The following COL22A1 variants were observed in gnomAD, a reference collection of about 807,000 sequenced individuals.
COL22A1 encodes the protein collagen type XXII alpha 1 chain, also known as collagen alpha-1(XXII) chain.
COL22A1 carries 221 observed loss-of-function variants against 248.9 expected under a neutral mutation model. The observed-to-expected ratio is 0.89, with a 90% confidence interval of 0.80 to 0.99. COL22A1 has a LOEUF of 0.99. COL22A1 is among the 50% of genes least tolerant of loss of function. The probability of loss-of-function intolerance (pLI) is 0.00; values close to 1 mark genes in which losing one functional copy is unlikely to be tolerated. For missense variants in COL22A1, 2,240 were observed against 2,179.0 expected, an observed-to-expected ratio of 1.03 and a Z score of -0.56; for synonymous variants, 891 against 793.4, an observed-to-expected ratio of 1.12 and a Z score of -2.07.
chr8:138,639,815 T>C (rs1821509453), intron 47 of COL22A1, among the ~76,000 whole-genome samples: 2 of 152,248 alleles, frequency 1.3e-5, no homozygotes, highest in African/African-American at 4.8e-5. Flanking sequence ...ATCTCCCAGT[T>C]CCTGTGAAAC....
intron 1 of COL22A1, among the ~76,000 whole-genome samples, chr8:138,891,888 C>T (rs1306039163): frequency 6.6e-6 from 1 of 152,164 alleles, no homozygotes; most frequent in East Asian, 1.9e-4. Context: ...TTCAGTTAAC[C>T]CCTGGGAGGG....
chr8:138,858,718 T>C (rs1237277524), intron 3 of COL22A1, among the ~76,000 whole-genome samples: 1 of 152,210 alleles, frequency 6.6e-6, no homozygotes, highest in Non-Finnish European at 1.5e-5. Context: ...AGAGGGTTGC[T>C]GAGCAGGCAG....
At chr8:138,783,783 A>G (rs1364749204) in intron 12 of COL22A1, among the ~76,000 whole-genome samples, 1 of 152,196 alleles carries the variant, frequency 6.6e-6, no homozygotes, top group Non-Finnish European at 1.5e-5. Flanking sequence ...TGATCAAACA[A>G]CTATGTGGAA....
intron 14 of COL22A1, among the ~76,000 whole-genome samples, chr8:138,778,973 T>G (rs1172311620): frequency 6.6e-6 from 1 of 152,226 alleles, no homozygotes; most frequent in Non-Finnish European, 1.5e-5. Context: ...AATAACAACA[T>G]GTATTCATTC....
intron 37 of COL22A1, among the ~76,000 whole-genome samples, chr8:138,688,630 C>A (rs1826559118): frequency 6.6e-6 from 1 of 152,122 alleles, no homozygotes; most frequent in Admixed American, 6.5e-5. Flanking sequence ...TGGAGTCAGA[C>A]AGACCTAGCT....
chr8:138,878,951 T>C (rs1298259848), intron 2 of COL22A1, among the ~76,000 whole-genome samples: 2 of 152,054 alleles, frequency 1.3e-5, no homozygotes, highest in Admixed American at 6.5e-5. Context: ...GAGCTTGTGG[T>C]GAGCCGAGAT....
chr8:138,639,856 C>G (rs1397417296), intron 47 of COL22A1, among the ~76,000 whole-genome samples: 3 of 152,190 alleles, frequency 2.0e-5, no homozygotes, highest in Admixed American at 6.5e-5. Context: ...AGATGCCTGG[C>G]TCCAAGTTGC....
At chr8:138,853,166 C>A (rs1372505826) in intron 3 of COL22A1, among the ~76,000 whole-genome samples, 5 of 152,068 alleles carry the variant, frequency 3.3e-5, no homozygotes, top group African/African-American at 1.2e-4. Flanking sequence ...CAGAGAAAGA[C>A]CTGGTCTCAA....
chr8:138,893,339 A>T (rs1825194477), intron 1 of COL22A1, among the ~76,000 whole-genome samples: 1 of 152,228 alleles, frequency 6.6e-6, no homozygotes, highest in South Asian at 2.1e-4. Context: ...TAGCTGTGCA[A>T]ACTAGGGGAA....
At chr8:138,904,994 C>T (rs1814904828) in intron 1 of COL22A1, among the ~76,000 whole-genome samples, 1 of 152,178 alleles carries the variant, frequency 6.6e-6, no homozygotes. Context: ...TCGGTTGCCT[C>T]ATCTGTAAAA....
chr8:138,762,410 T>C lies in COL22A1; in HGVS notation c.1857+3A>G. ...TAGCCCAACAGCGCCAGCACCCACC[T>C]ACCTGCTGTCCTGTGTCCCCAGGCT... On this transcript the variant is annotated splice_donor_region_variant and intron_variant, in intron 17 of 64. Transcript: ENST00000303045. 1 of 1,614,064 alleles carries C rather than the reference T, an allele frequency of 6.2e-7. No homozygotes were observed. The highest frequency in any genetic ancestry group is 1.7e-5 in the Admixed American group (1 of 60,024).
At chr8:138,859,673 C>T (rs1404094750) in intron 3 of COL22A1, among the ~76,000 whole-genome samples, 3 of 152,180 alleles carry the variant, frequency 2.0e-5, no homozygotes, top group Non-Finnish European at 4.4e-5. Context: ...CCCCCACACA[C>T]TTACTCTCCT....
At chr8:138,782,006 T>C (rs1012963481) in intron 12 of COL22A1, among the ~76,000 whole-genome samples, 1 of 152,254 alleles carries the variant, frequency 6.6e-6, no homozygotes, top group African/African-American at 2.4e-5. Context: ...ATATGTATTA[T>C]TTTCTCAAAG....
intron 31 of COL22A1, among the ~76,000 whole-genome samples, chr8:138,702,929 G>A (rs1828085462): frequency 6.6e-6 from 1 of 152,090 alleles, no homozygotes; most frequent in Non-Finnish European, 1.5e-5. Flanking sequence ...AACTCACCAT[G>A]CCCACCCTAA....
At chr8:138,797,924 T>A (rs779250425) in intron 11 of COL22A1, among the ~76,000 whole-genome samples, 28 of 152,020 alleles carry the variant, frequency 1.8e-4, no homozygotes, top group Non-Finnish European at 3.8e-4. Context: ...CTTTATTGAT[T>A]TTTTTGGTTT....
rs751307731 is a variant in COL22A1 at position 138,662,031 on chromosome 8, TC to T, written c.3238del (p.Asp1080ThrfsTer27). On this transcript the variant is annotated frameshift_variant and splice_region_variant, in exon 43 of 65. Transcript: ENST00000303045. LOFTEE classifies it high-confidence loss of function. ...FPGPQGPAGR[D>X]GAPGNPGERG... ...TCCACGCCATTTCTCTGTACTTACG[TC>T]CCGGCCGGCTGGGCCCTGGGGGCCA... 2.5e-6 allele frequency: 4 copies of T among 1,611,668 alleles called. No homozygotes were observed. The South Asian group carries it at 4.4e-5, about 18-fold the overall frequency.
intron 48 of COL22A1, among the ~76,000 whole-genome samples, chr8:138,636,438 A>C (rs2132031612): frequency 6.7e-6 from 1 of 149,324 alleles, no homozygotes; most frequent in Admixed American, 6.8e-5. Flanking sequence ...GTGAAAAAAA[A>C]AGTAAAGGTA....
chr8:138,752,102 GGTTATCTCATCTCTGAA>G (rs1832654538), intron 21 of COL22A1, among the ~76,000 whole-genome samples: 1 of 152,150 alleles, frequency 6.6e-6, no homozygotes, highest in Non-Finnish European at 1.5e-5. Context: ...GTTAAACCTC[GGTTATCTCATCTCTGAA>G]GTGGGGATGA....
rs749303704 is a variant in COL22A1 at position 138,877,858 on chromosome 8, C to T, written c.550G>A (p.Glu184Lys). 6.2e-7 allele frequency: 1 copy of T among 1,613,490 alleles called. No individual in the cohort carries two copies. Among genetic ancestry groups the T allele is most frequent in the Non-Finnish European group, 8.5e-7 (1 of 1,179,844 alleles). Residue 184 changes from glutamate (E) to lysine (K), a missense_variant, in exon 3 of 65, where the codon GAG becomes AAG. Glu to Lys is a moderately conservative substitution (Grantham distance 56). Coordinates refer to ENST00000303045, the MANE Select transcript of COL22A1 (RefSeq NM_152888.3). The part of the protein sequence containing the change: ...AVGVGEALKE[E>K]LEEIASEPKS... ...GGCTCTGAGGCGATCTCCTCCAGCT[C>T]CTCCTTGAGTGCCTCGCCCACGCCC...
Sources: allele counts gnomAD v4.1 joint callset (sites outside exome capture counted in the v4.1 genomes callset), GRCh38; gene constraint gnomAD v4.1.1; transcripts MANE v1.5; gene names NCBI Gene and HGNC (gene_info 2026-07-23, HGNC 2026-07-21).